The following PTPRC variants were observed in gnomAD, a reference collection of about 807,000 sequenced individuals.
The protein encoded by PTPRC is protein tyrosine phosphatase receptor type C, also known as receptor-type tyrosine-protein phosphatase C.
Under a neutral mutation model 155.9 loss-of-function variants are expected in PTPRC, and 44 were observed. The observed-to-expected ratio is 0.28, with a 90% CI of 0.22 to 0.36. The LOEUF (loss-of-function observed/expected upper bound fraction) is 0.36, where lower values mean the gene tolerates loss of function less well. PTPRC is among the 10% of genes least tolerant of loss of function. PTPRC has a pLI of 1.00. For missense variants in PTPRC, 1,401 were observed against 1,564.6 expected (o/e 0.90, Z 1.76); for synonymous variants, 525 against 533.1 (o/e 0.98, Z 0.21).
At chr1:198,693,428 T>A (rs1666033286) in intron 3 of PTPRC, among the ~76,000 whole-genome samples, 1 of 152,310 alleles carries the variant, frequency 6.6e-6, no homozygotes, top group Non-Finnish European at 1.5e-5. Context: ...TTACAGAAGA[T>A]AGATTCATCT....
rs2102385190 is a variant in PTPRC at position 198,696,890 on chromosome 1, T to C, written c.279T>C (p.Ala93=). ...TATCCCCGGACTCTTTGGATAATGC[T>C]AGTGCTTTTAATACCACAGGTTGGC... ...TQVSPDSLDN[A]SAFNTTGVSS... Residue 93 remains alanine (A), a synonymous_variant, in exon 4 of 33, where the codon GCT becomes GCC. Transcript: ENST00000442510. 1 of 1,613,842 alleles carries C rather than the reference T, an allele frequency of 6.2e-7. No homozygotes were observed. Among genetic ancestry groups the C allele is most frequent in the Non-Finnish European group, 8.5e-7 (1 of 1,179,694 alleles).
intron 11 of PTPRC, among the ~76,000 whole-genome samples, chr1:198,710,615 G>A (rs1653250028): frequency 6.6e-6 from 1 of 152,116 alleles, no homozygotes; most frequent in Non-Finnish European, 1.5e-5. Context: ...TTTTCAAAAT[G>A]TTTTGTAGTT....
chr1:198,741,514 A>C (rs7520324), intron 23 of PTPRC, among the ~76,000 whole-genome samples: 29,784 of 151,560 alleles, frequency 0.2, 3,689 homozygotes, highest in African/African-American at 0.33. Context: ...CATGCACCCC[A>C]CTTTTATGGT....
chr1:198,706,686 TTTTA>T, intron 8 of PTPRC, 44 bp from the exon 9 acceptor site: 1 of 1,574,294 alleles, frequency 6.4e-7, no homozygotes, highest in Non-Finnish European at 8.7e-7. Flanking sequence ...ATTAATGTAG[TTTTA>T]TTTATTCTGG....
intron 31 of PTPRC, 105 bp from the exon 32 acceptor site, chr1:198,754,164 T>C (rs1655513996): frequency 1.5e-6 from 2 of 1,361,132 alleles, no homozygotes; most frequent in Non-Finnish European, 2.0e-6. Flanking sequence ...ATAATTATGA[T>C]AAACATGAAG....
intron 2 of PTPRC, among the ~76,000 whole-genome samples, chr1:198,684,748 C>T (rs1429686901): frequency 6.6e-6 from 1 of 151,874 alleles, no homozygotes; most frequent in Non-Finnish European, 1.5e-5. Flanking sequence ...TAACCTCTTG[C>T]TCTTTGTTCA....
upstream of PTPRC, chr1:198,638,821 AT>A (rs201989097): frequency 2.5e-5 from 4 of 157,046 alleles, no homozygotes; most frequent in East Asian, 1.9e-4. Flanking sequence ...TGGGGATTTA[AT>A]TTAAAAAAAA....
At chr1:198,688,749 A>G (rs906207641) in intron 2 of PTPRC, among the ~76,000 whole-genome samples, 5 of 152,202 alleles carry the variant, frequency 3.3e-5, no homozygotes, top group African/African-American at 1.2e-4. Flanking sequence ...ATGAGTTTTT[A>G]ATAAACACCT....
intron 2 of PTPRC, among the ~76,000 whole-genome samples, chr1:198,668,932 C>A (rs1249406661): frequency 6.6e-6 from 1 of 152,056 alleles, no homozygotes; most frequent in East Asian, 1.9e-4. Context: ...AGCTATGGTA[C>A]AATTAAATTG....
At chr1:198,694,725 TC>T in intron 3 of PTPRC, 6 of 966,802 alleles carry the variant, frequency 6.2e-6, no homozygotes, top group Non-Finnish European at 7.4e-6. Flanking sequence ...CCTTCCTCCC[TC>T]CCTTCTTTCC....
At chr1:198,702,729 A>C (rs1666526076) in intron 6 of PTPRC, among the ~76,000 whole-genome samples, 199 bp downstream of exon 6, 1 of 152,202 alleles carries the variant, frequency 6.6e-6, no homozygotes, top group Admixed American at 6.5e-5. Context: ...TTTACTATTA[A>C]TATTATAAAA....
At chr1:198,717,767 T>C (rs894700110) in intron 13 of PTPRC, among the ~76,000 whole-genome samples, 3 of 152,016 alleles carry the variant, frequency 2.0e-5, no homozygotes, top group Non-Finnish European at 2.9e-5. Context: ...ATCAACAACA[T>C]TTTTCCTCTC....
intron 2 of PTPRC, among the ~76,000 whole-genome samples, chr1:198,669,885 T>A (rs1198058551): frequency 6.6e-6 from 1 of 152,214 alleles, no homozygotes; most frequent in African/African-American, 2.4e-5. Flanking sequence ...CTCATCATTA[T>A]GAAAATCACA....
At chr1:198,722,902 C>G (rs1158219813) in intron 15 of PTPRC, among the ~76,000 whole-genome samples, 1 of 151,458 alleles carries the variant, frequency 6.6e-6, no homozygotes, top group Non-Finnish European at 1.5e-5. Flanking sequence ...TATAAGCACT[C>G]CCTAATAACA....
At chr1:198,708,773 G>A (rs1038299591) in intron 10 of PTPRC, among the ~76,000 whole-genome samples, 4 of 152,118 alleles carry the variant, frequency 2.6e-5, no homozygotes, top group African/African-American at 9.7e-5. Context: ...GGATATGTTT[G>A]GATTTGAATT....
At position 198,655,214 on chromosome 1, in the gene PTPRC, A is replaced by G. The variant is rs376330979; in HGVS notation, c.73+15873A>G. 5.1e-4 allele frequency among the ~76,000 whole-genome samples: 78 copies of G among 151,910 alleles called. No individual in the cohort carries two copies. In the East Asian group the frequency reaches 0.014, roughly 28 times the overall value. ...CATATTTCCTGCTTTTATTTGAGTT[A>G]GAATTCCTGTACCAAACATTTTAAA... On this transcript the variant is annotated intron_variant, in intron 2 of 32. Coordinates refer to ENST00000442510, the MANE Select transcript of PTPRC (RefSeq NM_002838.5).
chr1:198,665,079 C>CTT (rs1557979011), intron 2 of PTPRC, among the ~76,000 whole-genome samples: 1 of 102,244 alleles, frequency 9.8e-6, no homozygotes, highest in Non-Finnish European at 2.0e-5. Flanking sequence ...ATCCCGGCAG[C>CTT]ATTTTTTTTT....
At chr1:198,676,661 C>G (rs1272027106) in intron 2 of PTPRC, among the ~76,000 whole-genome samples, 1 of 152,044 alleles carries the variant, frequency 6.6e-6, no homozygotes, top group Non-Finnish European at 1.5e-5. Context: ...GAGTTGGTAT[C>G]TTTTTGAGAG....
rs542545804 is a variant in PTPRC at position 198,684,654 on chromosome 1, T to C, written c.74-7693T>C. On this transcript the variant is annotated intron_variant, in intron 2 of 32. Coordinates refer to ENST00000442510, the MANE Select transcript of PTPRC (RefSeq NM_002838.5). Reference sequence around the variant, plus strand: ...GATTTTTAAATGTTATCTTTTATTGTAGTGCTGTTTCTTTAAAACAAAAAA... The same window carrying C: ...GATTTTTAAATGTTATCTTTTATTGCAGTGCTGTTTCTTTAAAACAAAAAA... Among the ~76,000 whole-genome samples the C allele has an allele frequency of 1.9e-3, 284 of 152,082 alleles. 1 individual carries two copies. Among genetic ancestry groups the C allele is most frequent in the Admixed American group, 3.1e-3 (48 of 15,282 alleles).
Sources: gnomAD v4.1 joint callset for allele counts (sites outside exome capture counted in the v4.1 genomes callset) on GRCh38, gnomAD v4.1.1 for gene constraint, MANE v1.5 for transcripts, NCBI Gene and HGNC (gene_info 2026-07-23, HGNC 2026-07-21) for gene names.